CNTN1: variants seen among roughly 807,000 people sequenced by gnomAD.
CNTN1 encodes contactin-1.
A neutral mutation model predicts 126.4 loss-of-function variants in CNTN1; 38 were observed. The ratio of observed to expected loss-of-function variants is 0.30; its 90% confidence interval spans 0.23 to 0.39. CNTN1 has a LOEUF of 0.39. CNTN1 is among the 10% of genes least tolerant of loss of function. CNTN1 has a pLI of 1.00. For synonymous variants in CNTN1, 413 were observed against 422.6 expected (o/e 0.98, Z 0.28); for missense variants, 1,009 against 1,248.4 (o/e 0.81, Z 2.89).
intron 23 of CNTN1, among the ~76,000 whole-genome samples, chr12:41,041,247 G>A (rs1483632492): frequency 2.6e-5 from 4 of 152,112 alleles, no homozygotes; most frequent in African/African-American, 9.7e-5. Flanking sequence ...AACCAGCCTT[G>A]CATCCCAGGG....
intron 15 of CNTN1, among the ~76,000 whole-genome samples, chr12:40,967,185 T>TATA (rs1238473628): frequency 6.6e-6 from 1 of 150,992 alleles, no homozygotes; most frequent in Admixed American, 6.6e-5. Context: ...TAATAATAAT[T>TATA]ATAATAATAA....
In CNTN1 at chr12:40,924,631, G is replaced by A. The variant is rs1188413980; in HGVS notation, c.475G>A (p.Asp159Asn). The A allele has an allele frequency of 6.3e-7, 1 of 1,599,032 alleles. No homozygotes were observed. The highest frequency in any genetic ancestry group is 8.6e-7 in the Non-Finnish European group (1 of 1,166,888). The part of the protein sequence containing the change: ...KEGKGMVLLC[D>N]PPYHFPDDLS... Reference sequence around the variant, plus strand: ...AGGGAAAGGAATGGTGCTTCTCTGTGACCCCCCATACCATTTTCCAGGTAA... The same window carrying A: ...AGGGAAAGGAATGGTGCTTCTCTGTAACCCCCCATACCATTTTCCAGGTAA... Residue 159 changes from aspartate to asparagine, a missense_variant, in exon 6 of 24, where the codon GAC becomes AAC. By Grantham distance (23) the Asp-to-Asn change is conservative. Transcript: ENST00000551295.
At chr12:40,743,234 T>C (rs529311902) in intron 1 of CNTN1, among the ~76,000 whole-genome samples, 8 of 152,126 alleles carry the variant, frequency 5.3e-5, no homozygotes, top group African/African-American at 1.7e-4. Context: ...ACACAAGGTG[T>C]GGGGCGGGAG....
At chr12:40,840,427 C>T (rs1309857467) in intron 1 of CNTN1, among the ~76,000 whole-genome samples, 1 of 151,924 alleles carries the variant, frequency 6.6e-6, no homozygotes, top group Non-Finnish European at 1.5e-5. Context: ...CAGCATTAGG[C>T]AGATTATCTA....
At chr12:40,858,519 G>A (rs1305524950) in intron 1 of CNTN1, among the ~76,000 whole-genome samples, 1 of 152,064 alleles carries the variant, frequency 6.6e-6, no homozygotes, top group African/African-American at 2.4e-5. Context: ...AGGCTATGGA[G>A]ATGTTGGTGG....
At chr12:40,780,705 A>G (rs1233536186) in intron 1 of CNTN1, among the ~76,000 whole-genome samples, 3 of 137,900 alleles carry the variant, frequency 2.2e-5, no homozygotes. Context: ...AAAAAAAAAC[A>G]CCAATCCTCA....
chr12:41,060,743 C>A lies in CNTN1; in HGVS notation c.2981-9216C>A, dbSNP rs531771741. On this transcript the variant is annotated intron_variant, in intron 23 of 23. Coordinates refer to ENST00000551295, the MANE Select transcript of CNTN1 (RefSeq NM_001843.4). ...TGTTATTTATAAAATATTTTGTATA[C>A]GTTGGGAATAAAACAAACCCATGAA... Among the ~76,000 whole-genome samples the A allele has an allele frequency of 2.6e-5, 4 of 151,990 alleles. No individual in the cohort carries two copies. The East Asian group carries it at 7.7e-4, about 29-fold the overall frequency.
intron 1 of CNTN1, among the ~76,000 whole-genome samples, chr12:40,862,895 A>G (rs1443198622): frequency 6.6e-6 from 1 of 152,212 alleles, no homozygotes; most frequent in African/African-American, 2.4e-5. Context: ...AACTGTATAC[A>G]TAATATTTTG....
chr12:40,769,443 A>G (rs563617535), intron 1 of CNTN1, among the ~76,000 whole-genome samples: 2 of 152,310 alleles, frequency 1.3e-5, no homozygotes, highest in African/African-American at 4.8e-5. Flanking sequence ...GCCCATGGCC[A>G]ACAATTAAAA....
chr12:40,851,465 C>T (rs1398522344), intron 1 of CNTN1, among the ~76,000 whole-genome samples: 1 of 152,146 alleles, frequency 6.6e-6, no homozygotes, highest in African/African-American at 2.4e-5. Flanking sequence ...AAGTCTTATC[C>T]ATATTTTGAG....
rs1346146522 is a variant in CNTN1 at position 40,910,138 on chromosome 12, T to C, written c.94+33T>C. ...GACCAAAGAGTAGACCTTGTAAACATCTTTTCTCTATTGAATCATATTTTA... is the reference window on the plus strand; with the variant it reads ...GACCAAAGAGTAGACCTTGTAAACACCTTTTCTCTATTGAATCATATTTTA... On this transcript the variant is annotated intron_variant, in intron 3 of 23. Transcript: ENST00000551295. 11 of 1,517,190 alleles carry C rather than the reference T, an allele frequency of 7.3e-6. No individual in the cohort carries two copies. The African/African-American group carries it at 1.5e-4, about 21-fold the overall frequency. The allele number at this position is 1,517,190 out of a possible 1,614,324, so 94.0% of individuals were successfully genotyped here.
At chr12:40,892,954 C>CGGG (rs1555174939) in intron 1 of CNTN1, among the ~76,000 whole-genome samples, 1 of 91,022 alleles carries the variant, frequency 1.1e-5, no homozygotes, top group African/African-American at 6.7e-5. Flanking sequence ...AAAATGAAAA[C>CGGG]TGGGGGGGGT....
At chr12:40,705,580 T>A (rs574718766) in intron 1 of CNTN1, among the ~76,000 whole-genome samples, 2 of 152,310 alleles carry the variant, frequency 1.3e-5, no homozygotes, top group South Asian at 4.1e-4. Flanking sequence ...GTGCACATTG[T>A]GCAGGTTAGT....
intron 17 of CNTN1, among the ~76,000 whole-genome samples, chr12:41,003,602 C>A (rs1372379837): frequency 1.3e-5 from 2 of 148,794 alleles, no homozygotes; most frequent in African/African-American, 5.0e-5. Flanking sequence ...GGTTAGTTGG[C>A]TATTTATTAC....
intron 15 of CNTN1, among the ~76,000 whole-genome samples, chr12:40,965,997 A>ACC (rs1200079334): frequency 8.3e-6 from 1 of 119,902 alleles, no homozygotes; most frequent in African/African-American, 3.3e-5. Context: ...ACCTCATCAC[A>ACC]CCACACACAC....
intron 23 of CNTN1, among the ~76,000 whole-genome samples, chr12:41,039,015 C>G (rs1332260644): frequency 6.6e-6 from 1 of 152,128 alleles, no homozygotes; most frequent in African/African-American, 2.4e-5. Flanking sequence ...GTTCAAGGAA[C>G]AGCAAGGAGA....
chr12:40,835,799 T>TACACACACACACACACAC (rs10556497), intron 1 of CNTN1, among the ~76,000 whole-genome samples: 20 of 142,444 alleles, frequency 1.4e-4, no homozygotes, highest in African/African-American at 5.2e-4. Flanking sequence ...ATGCTATTTA[T>TACACACACACACACACAC]ACACACACAC....
intron 1 of CNTN1, among the ~76,000 whole-genome samples, chr12:40,859,589 T>C (rs1943049955): frequency 6.6e-6 from 1 of 152,154 alleles, no homozygotes; most frequent in Non-Finnish European, 1.5e-5. Flanking sequence ...ACAGTATTTT[T>C]TCACTTTTGT....
intron 15 of CNTN1, chr12:40,971,981 C>A: frequency 6.0e-6 from 6 of 1,000,404 alleles, no homozygotes; most frequent in Non-Finnish European, 7.1e-6. Context: ...GGGCATTACT[C>A]CGGCAGTCTT....
Sources: gnomAD v4.1 joint callset for allele counts (sites outside exome capture counted in the v4.1 genomes callset) on GRCh38, gnomAD v4.1.1 for gene constraint, MANE v1.5 for transcripts, NCBI Gene and HGNC (gene_info 2026-07-23, HGNC 2026-07-21) for gene names.